BANP: variants seen among roughly 807,000 people sequenced by gnomAD.
BANP encodes the protein protein BANP.
Under a neutral mutation model 68.1 loss-of-function variants are expected in BANP, and 11 were observed. The ratio of observed to expected loss-of-function variants is 0.16; its 90% CI spans 0.10 to 0.27. The LOEUF (loss-of-function observed/expected upper bound fraction) is 0.27, where lower values mean the gene tolerates loss of function less well. Ranked by LOEUF, BANP falls within the 10% of genes least tolerant of loss-of-function variation. The probability of loss-of-function intolerance (pLI) is 1.00; values close to 1 mark genes in which losing one functional copy is unlikely to be tolerated. For missense variants in BANP, 504 were observed against 722.7 expected, an observed-to-expected ratio of 0.70 and a Z score of 3.47; for synonymous variants, 329 against 303.2, an observed-to-expected ratio of 1.09 and a Z score of -0.88.
chr16:88,004,541 G>A lies in BANP; in HGVS notation c.479+130G>A. ...CTCTGTGGTCACAGGGTTGAGCCTG[G>A]CAGGCACCGCCCCAGCTCTCTGAGG... On this transcript the variant is annotated intron_variant, in intron 5 of 13. Transcript: ENST00000682872. The surrounding 1 kb of genome is among the most constrained non-coding windows in gnomAD (Gnocchi z 7.0). 1 of 597,806 alleles carries A rather than the reference G, an allele frequency of 1.7e-6. No individual in the cohort carries two copies. The allele number at this position is 597,806 out of a possible 1,614,324, so 37.0% of individuals were successfully genotyped here. A position where few individuals can be genotyped will look rare whatever the true frequency, so the allele number is the denominator to read the frequency against.
At chr16:87,966,269 C>G (rs1253142298) in intron 1 of BANP, among the ~76,000 whole-genome samples, 1 of 152,020 alleles carries the variant, frequency 6.6e-6, no homozygotes, top group African/African-American at 2.4e-5. Context: ...CCCTGCTTTC[C>G]CATATGCGCC....
chr16:87,980,771 G>A, intron 2 of BANP: 1 of 443,640 alleles, frequency 2.3e-6, no homozygotes, highest in South Asian at 2.5e-5. Context: ...AGAGCATGGA[G>A]TCAGAAGTCA....
At chr16:87,987,328 C>G (rs1306689847) in intron 4 of BANP, among the ~76,000 whole-genome samples, 2 of 152,330 alleles carry the variant, frequency 1.3e-5, no homozygotes, top group South Asian at 2.1e-4. Context: ...ATCTGCCTGC[C>G]TCGGCCTCCC....
At chr16:88,032,359 G>A (rs1237935849) in intron 8 of BANP, among the ~76,000 whole-genome samples, 1 of 151,494 alleles carries the variant, frequency 6.6e-6, no homozygotes, top group Non-Finnish European at 1.5e-5. Context: ...CCACCACCAC[G>A]CCTGTCTAAT....
chr16:88,039,189 G>A (rs2080145334), intron 11 of BANP, among the ~76,000 whole-genome samples: 1 of 152,036 alleles, frequency 6.6e-6, no homozygotes. Flanking sequence ...TCAGCACGAG[G>A]TTTTCTCAGG....
Position 88,049,552 on chromosome 16 carries a change from C to G in BANP, c.1311+11541C>G, listed in dbSNP as rs367653552. Among the ~76,000 whole-genome samples, 11 of 152,282 alleles carry G rather than the reference C, an allele frequency of 7.2e-5. No homozygotes were observed. In the South Asian group the frequency reaches 2.1e-3, roughly 29 times the overall value. ...ATGGGAGGGTCTTAAGACCCACAGT[C>G]AGCAAGCAGGGGGATCATTAGAGTG... On this transcript the variant is annotated intron_variant, in intron 11 of 13. Transcript: ENST00000682872.
intron 12 of BANP, among the ~76,000 whole-genome samples, chr16:88,068,699 C>CT (rs1276235121): frequency 6.6e-6 from 1 of 152,080 alleles, no homozygotes; most frequent in African/African-American, 2.4e-5. Flanking sequence ...GAGTGACTGC[C>CT]TGGGCGCGTG....
In BANP at chr16:88,057,754, CGGG is replaced by C. The variant is rs149539391; in HGVS notation, c.1312-7504_1312-7502del. 0.021 allele frequency among the ~76,000 whole-genome samples: 2,383 copies of C among 114,786 alleles called. 56 individuals are homozygous for C. Among genetic ancestry groups the C allele is most frequent in the Non-Finnish European group, 0.029 (1,650 of 56,234 alleles). 75.3% of individuals were successfully genotyped at this position (114,786 alleles called of 152,430 possible). The stretch of plus-strand genomic sequence containing the variant: ...AGATGGCGGGGCCATCTGGGTGGGG[CGGG>C]GGGGGGGGTGCGTGCAGTGACTCGC... On this transcript the variant is annotated intron_variant, in intron 11 of 13. Transcript: ENST00000682872. This position sits in a 1 kb window ranked among gnomAD's most constrained non-coding sequence, Gnocchi z 4.6.
chr16:88,042,186 G>C (rs1191474924), intron 11 of BANP, among the ~76,000 whole-genome samples: 1 of 152,250 alleles, frequency 6.6e-6, no homozygotes, highest in African/African-American at 2.4e-5. Flanking sequence ...ACCAGTGTTG[G>C]GGGGTAGCAG....
intron 1 of BANP, among the ~76,000 whole-genome samples, chr16:87,971,856 G>A (rs900099565): frequency 2.0e-5 from 3 of 152,072 alleles, no homozygotes; most frequent in African/African-American, 4.8e-5. Flanking sequence ...GTAGTGGTGC[G>A]ATCACAGCTT....
chr16:87,963,149 A>G (rs7194478), intron 1 of BANP, among the ~76,000 whole-genome samples: 102,186 of 151,724 alleles, frequency 0.67, 35,208 homozygotes, highest in African/African-American at 0.8. Context: ...GTCTCCACAC[A>G]GAAGCCGTCT....
At chr16:88,030,379 C>T (rs952579794) in intron 8 of BANP, among the ~76,000 whole-genome samples, 2 of 152,132 alleles carry the variant, frequency 1.3e-5, no homozygotes, top group Middle Eastern at 3.2e-3. Flanking sequence ...AAAAAAGAAC[C>T]GTATGGAACT....
chr16:88,016,400 C>G (rs1403549833), intron 6 of BANP, among the ~76,000 whole-genome samples: 1 of 152,204 alleles, frequency 6.6e-6, no homozygotes, highest in Non-Finnish European at 1.5e-5. Context: ...CAGCATGTGG[C>G]TTCAGATCTT....
At chr16:88,074,661 G>T (rs1274363340) in intron 13 of BANP, among the ~76,000 whole-genome samples, 1 of 152,082 alleles carries the variant, frequency 6.6e-6, no homozygotes, top group Non-Finnish European at 1.5e-5. Flanking sequence ...AGCTGTCTGG[G>T]GGAAGGGGCT....
At chr16:88,005,658 C>T (rs543376541) in intron 5 of BANP, among the ~76,000 whole-genome samples, 28 of 152,272 alleles carry the variant, frequency 1.8e-4, no homozygotes, top group African/African-American at 5.8e-4. Flanking sequence ...GCTCGCATTG[C>T]GAGGGGGAGC....
intron 6 of BANP, among the ~76,000 whole-genome samples, chr16:88,007,003 G>T (rs995405964): frequency 1.3e-5 from 2 of 151,126 alleles, no homozygotes; most frequent in Non-Finnish European, 2.9e-5. Flanking sequence ...GAAGATTAAA[G>T]GGAAAATAAC....
chr16:88,031,456 C>A lies in BANP; in HGVS notation c.1064-1653C>A, dbSNP rs376961526. On this transcript the variant is annotated intron_variant, in intron 8 of 13. Transcript: ENST00000682872. The stretch of plus-strand genomic sequence containing the variant: ...GTCAGGAGTTCAAAACCAGCCTGGC[C>A]AACCTGGTGAAATCCCTTCTCTACA... Among the ~76,000 whole-genome samples, 6 of 152,076 alleles carry A rather than the reference C, an allele frequency of 3.9e-5. No individual in the cohort carries two copies. The South Asian group carries it at 1.0e-3, about 26-fold the overall frequency.
chr16:88,056,325 A>C (rs4075362), intron 11 of BANP, among the ~76,000 whole-genome samples: 15,093 of 152,246 alleles, frequency 0.099, 1,408 homozygotes, highest in African/African-American at 0.25. Context: ...AGGTGTACTA[A>C]TTTGAGGACT....
chr16:88,044,921 G>A (rs2060303993), intron 11 of BANP, among the ~76,000 whole-genome samples: 1 of 152,122 alleles, frequency 6.6e-6, no homozygotes, highest in Non-Finnish European at 1.5e-5. Context: ...GGCGGAGCTT[G>A]CATTGAGCTG....
Sources: gnomAD v4.1 joint callset for allele counts (sites outside exome capture counted in the v4.1 genomes callset) on GRCh38, gnomAD v4.1.1 for gene constraint, Gnocchi (gnomAD v3.1) non-coding constraint, MANE v1.5 for transcripts, NCBI Gene and HGNC (gene_info 2026-07-23, HGNC 2026-07-21) for gene names.